Variants in STAB2 observed in about 807,000 individuals in gnomAD.
STAB2 encodes the protein stabilin-2.
Under a neutral mutation model 338.1 loss-of-function variants are expected in STAB2, and 288 were observed. The observed-to-expected ratio is 0.85, with a 90% CI of 0.77 to 0.94. The LOEUF is 0.94. STAB2 is among the 40% of genes least tolerant of loss of function. The pLI, the probability that STAB2 is intolerant of heterozygous loss-of-function variation, is 0.00. For synonymous variants in STAB2, 1,202 were observed against 1,193.3 expected, an observed-to-expected ratio of 1.01 and a Z score of -0.15; for missense variants, 3,141 against 3,210.1, an observed-to-expected ratio of 0.98 and a Z score of 0.52.
chr12:103,673,828 C>G, intron 22 of STAB2, 79 bp from the exon 23 acceptor site: 1 of 1,478,254 alleles, frequency 6.8e-7, no homozygotes, highest in Admixed American at 1.9e-5. Context: ...GAGGTGGTCC[C>G]TGTCCTCCAG....
intron 3 of STAB2, among the ~76,000 whole-genome samples, chr12:103,613,556 G>T (rs1275135196): frequency 6.6e-6 from 1 of 152,156 alleles, no homozygotes; most frequent in Non-Finnish European, 1.5e-5. Context: ...TCAGGGTGGG[G>T]GTGACCCGAT....
intron 44 of STAB2, among the ~76,000 whole-genome samples, chr12:103,720,362 C>A (rs12424999): frequency 6.6e-6 from 1 of 152,088 alleles, no homozygotes; most frequent in African/African-American, 2.4e-5. Context: ...AAATTATAGG[C>A]CATCAGGGGC....
At chr12:103,735,621 C>T (rs756561790) in intron 52 of STAB2, 41 bp downstream of exon 52, 5 of 1,306,702 alleles carry the variant, frequency 3.8e-6, no homozygotes, top group Non-Finnish European at 5.4e-6. Context: ...GGGGTTAACA[C>T]ATTCACAGCA....
At chr12:103,766,030 T>C (rs989109821) in intron 68 of STAB2, 4 of 639,378 alleles carry the variant, frequency 6.3e-6, no homozygotes, top group Admixed American at 4.2e-5. Flanking sequence ...CCTTTGTAGA[T>C]GAAGAAACTG....
chr12:103,749,105 C>G lies in STAB2; in HGVS notation c.6387C>G (p.Asp2129Glu). The change falls in exon 59 of 69, where the codon GAC becomes GAG. Residue 2129 changes from aspartate (D) to glutamate (E), a missense_variant. Physicochemically the swap from Asp to Glu is conservative, Grantham distance 45. Transcript: ENST00000388887. ...GCACAGAGATAGACCCCTGTGCAGA[C>G]GGCCTTAACGGAGGGTGTCACGAGC... The part of the protein sequence containing the change: ...HSCTEIDPCA[D>E]GLNGGCHEHA... The G allele has an allele frequency of 6.2e-7, 1 of 1,612,242 alleles. No homozygotes were observed. The highest frequency in any genetic ancestry group is 8.5e-7 in the Non-Finnish European group (1 of 1,178,614).
intron 44 of STAB2, among the ~76,000 whole-genome samples, chr12:103,721,936 G>C (rs1021337038): frequency 1.3e-5 from 2 of 149,728 alleles, no homozygotes; most frequent in African/African-American, 5.1e-5. Flanking sequence ...GAGACATGTT[G>C]GTTCTACTCA....
At chr12:103,726,005 GT>G in intron 45 of STAB2, 110 bp from the exon 46 acceptor site, 1 of 1,146,724 alleles carries the variant, frequency 8.7e-7, no homozygotes, top group Admixed American at 1.8e-5. Flanking sequence ...AAAAGGCCCG[GT>G]GTTACAGATT....
intron 3 of STAB2, among the ~76,000 whole-genome samples, chr12:103,610,802 C>T (rs563077617): frequency 6.6e-6 from 1 of 152,268 alleles, no homozygotes; most frequent in East Asian, 1.9e-4. Context: ...TTAGATCTTT[C>T]CTGCTTTCTC....
In STAB2 at chr12:103,758,209, G is replaced by A. The variant is rs1884277708; in HGVS notation, c.7027G>A (p.Ala2343Thr). Residue 2343 changes from alanine to threonine, a missense_variant, in exon 64 of 69, where the codon GCA becomes ACA. Coordinates refer to ENST00000388887, the MANE Select transcript of STAB2 (RefSeq NM_017564.10). The part of the protein sequence containing the change: ...AYSNSSARGR[A>T]FLEHLTDLSI... ...TTCCAACAGCTCAGCTCGAGGCCGT[G>A]CATTTCTAGAACACCTGACTGACCT... 1.2e-6 allele frequency: 2 copies of A among 1,613,998 alleles called. No homozygotes were observed. Among genetic ancestry groups the A allele is most frequent in the Non-Finnish European group, 1.7e-6 (2 of 1,180,042 alleles).
chr12:103,641,853 C>T (rs1383863699), intron 9 of STAB2, among the ~76,000 whole-genome samples: 1 of 152,062 alleles, frequency 6.6e-6, no homozygotes, highest in Non-Finnish European at 1.5e-5. Context: ...CAAAAAAAGG[C>T]CTAAGTAAAA....
intron 1 of STAB2, 131 bp downstream of exon 1, chr12:103,587,688 A>T (rs1440209324): frequency 1.9e-5 from 14 of 753,050 alleles, no homozygotes; most frequent in Non-Finnish European, 3.0e-5. Flanking sequence ...ATGTTTTTGG[A>T]GACTAAGTCC....
rs564424285 is a variant in STAB2 at position 103,716,955 on chromosome 12, A to G, written c.4612-815A>G. ...GCACTGATATTGGGGCCCATTGTGA[A>G]GAAAGAGGAAGAGAAACGGGAAAAC... On this transcript the variant is annotated intron_variant, in intron 43 of 68. Coordinates refer to ENST00000388887, the MANE Select transcript of STAB2 (RefSeq NM_017564.10). Among the ~76,000 whole-genome samples the G allele has an allele frequency of 3.9e-5, 6 of 152,330 alleles. No homozygotes were observed. In the South Asian group the frequency reaches 1.2e-3, roughly 32 times the overall value.
intron 54 of STAB2, 59 bp downstream of exon 54, chr12:103,739,527 CTGTGTG>C (rs35471201): frequency 0.016 from 10,493 of 672,486 alleles, 115 homozygotes; most frequent in African/African-American, 0.06. Context: ...ATTATCAGAC[CTGTGTG>C]TGTGTGTGTG....
chr12:103,646,950 A>G (rs138380193), intron 9 of STAB2, among the ~76,000 whole-genome samples: 2,155 of 152,308 alleles, frequency 0.014, 25 homozygotes, highest in Middle Eastern at 0.054. Context: ...TAAGGTGAGG[A>G]TGGGAAAGCA....
At chr12:103,595,829 T>C (rs1956866859) in intron 3 of STAB2, among the ~76,000 whole-genome samples, 1 of 152,218 alleles carries the variant, frequency 6.6e-6, no homozygotes, top group African/African-American at 2.4e-5. Flanking sequence ...TTCTGCTCTG[T>C]CCTACTGTCC....
At chr12:103,755,493 T>C in intron 62 of STAB2, 26 bp downstream of exon 62, 2 of 1,611,944 alleles carry the variant, frequency 1.2e-6, no homozygotes, top group Non-Finnish European at 1.7e-6. Flanking sequence ...ACACTTCAGG[T>C]TCTGGGCCAC....
At chr12:103,755,177 A>G in intron 61 of STAB2, 125 bp from the exon 62 acceptor site, 1 of 1,312,930 alleles carries the variant, frequency 7.6e-7, no homozygotes, top group Non-Finnish European at 1.1e-6. Flanking sequence ...CCAGGCACAG[A>G]GGTGCAATAG....
At chr12:103,745,880 G>T (rs985958382) in intron 57 of STAB2, among the ~76,000 whole-genome samples, 1 of 152,196 alleles carries the variant, frequency 6.6e-6, no homozygotes, top group Non-Finnish European at 1.5e-5. Context: ...GCCATAGCTC[G>T]ATCCTTACTA....
intron 59 of STAB2, 105 bp downstream of exon 59, chr12:103,749,261 A>C (rs1883366169): frequency 2.4e-6 from 3 of 1,243,954 alleles, no homozygotes; most frequent in African/African-American, 1.5e-5. Context: ...CTCTTCCTAA[A>C]CATTTTTTCT....
Sources: gnomAD v4.1 joint callset for allele counts (sites outside exome capture counted in the v4.1 genomes callset) on GRCh38, gnomAD v4.1.1 for gene constraint, MANE v1.5 for transcripts, NCBI Gene and HGNC (gene_info 2026-07-23, HGNC 2026-07-21) for gene names.